The following ITSN1 variants were observed in gnomAD, a reference collection of about 807,000 sequenced individuals.
The protein encoded by ITSN1 is intersectin 1.
In ITSN1, 58 loss-of-function variants were observed where a neutral mutation model predicts 239.8. The ratio of observed to expected loss-of-function variants is 0.24; its 90% CI spans 0.20 to 0.30. The LOEUF (loss-of-function observed/expected upper bound fraction) is 0.30. Among genes scored for constraint, ITSN1 ranks in the 10% least tolerant of loss-of-function variants. The probability of loss-of-function intolerance (pLI) is 1.00; values close to 1 mark genes in which losing one functional copy is unlikely to be tolerated. For missense variants in ITSN1, 1,558 were observed against 2,103.3 expected (o/e 0.74, Z 5.07); for synonymous variants, 780 against 770.8 (o/e 1.01, Z -0.20).
Position 33,659,653 on chromosome 21 carries a change from C to G in ITSN1, c.-33+16940C>G, listed in dbSNP as rs182806813. ...CCCTTAAGCTAGATAGGTGAACAAGCAATTATAATTTAGCTTTGTAAGCTA... is the reference window on the plus strand; with the variant it reads ...CCCTTAAGCTAGATAGGTGAACAAGGAATTATAATTTAGCTTTGTAAGCTA... On this transcript the variant is annotated intron_variant, in intron 1 of 39. Coordinates refer to ENST00000381318, the MANE Select transcript of ITSN1 (RefSeq NM_003024.3). Among the ~76,000 whole-genome samples, 11 of 146,530 alleles carry G rather than the reference C, an allele frequency of 7.5e-5. No homozygotes were observed. The East Asian group carries it at 1.8e-3, about 24-fold the overall frequency.
At position 33,826,819 on chromosome 21, in the gene ITSN1, G is replaced by T; in HGVS notation, c.3185G>T (p.Gly1062Val). 1.9e-6 allele frequency: 3 copies of T among 1,613,708 alleles called. No homozygotes were observed. In the South Asian group the frequency reaches 3.3e-5, roughly 18 times the overall value. ...TGAGACCTTTTGCTCTGTTTTAAGG[G>T]CTCTGGAACTGCTGGGAAAACAGGG... is the stretch of plus-strand genomic sequence containing the variant. ...SNYVRLKDSE[G>V]SGTAGKTGSL... Residue 1062 changes from glycine to valine, a missense_variant and splice_region_variant, in exon 26 of 40, where the codon GGC becomes GTC. Coordinates refer to ENST00000381318, the MANE Select transcript of ITSN1 (RefSeq NM_003024.3).
intron 29 of ITSN1, among the ~76,000 whole-genome samples, chr21:33,850,779 A>G (rs1474808252): frequency 6.6e-6 from 1 of 152,134 alleles, no homozygotes; most frequent in Admixed American, 6.5e-5. Flanking sequence ...TTCCTACACG[A>G]CAGGCCACCC....
intron 34 of ITSN1, among the ~76,000 whole-genome samples, chr21:33,878,670 TGTGGAAGCAGCCCC>T (rs1984411033): frequency 6.6e-6 from 1 of 152,186 alleles, no homozygotes; most frequent in African/African-American, 2.4e-5. Context: ...TGAGCAAAGG[TGTGGAAGCAGCCCC>T]GTGGAAGCCG....
chr21:33,678,879 A>T (rs1309831451), intron 1 of ITSN1, among the ~76,000 whole-genome samples: 2 of 152,066 alleles, frequency 1.3e-5, no homozygotes, highest in African/African-American at 4.8e-5. Flanking sequence ...ACGCCCAGCT[A>T]ATTTTTGTAT....
At chr21:33,812,254 AAATAGAAGACT>A (rs1473967323) in intron 21 of ITSN1, among the ~76,000 whole-genome samples, 1 of 152,222 alleles carries the variant, frequency 6.6e-6, no homozygotes, top group Non-Finnish European at 1.5e-5. Context: ...GCTTAGGCTA[AAATAGAAGACT>A]AATACCATAT....
intron 4 of ITSN1, among the ~76,000 whole-genome samples, chr21:33,728,904 G>A (rs1159614168): frequency 6.6e-6 from 1 of 152,072 alleles, no homozygotes; most frequent in East Asian, 1.9e-4. Flanking sequence ...CCCATAATTG[G>A]TTTTTGAATG....
At chr21:33,657,526 A>G (rs1568858546) in intron 1 of ITSN1, among the ~76,000 whole-genome samples, 1 of 151,892 alleles carries the variant, frequency 6.6e-6, no homozygotes, top group African/African-American at 2.4e-5. Context: ...AGTCATTTTC[A>G]CTGTATTTAT....
chr21:33,706,756 T>C (rs2057084386), intron 1 of ITSN1, among the ~76,000 whole-genome samples: 2 of 152,258 alleles, frequency 1.3e-5, no homozygotes, highest in South Asian at 4.1e-4. Context: ...GTTTATTTAT[T>C]TATTTATTTT....
rs537971660 is a variant in ITSN1, at chr21:33,718,052, A to G, written c.-32-745A>G. On this transcript the variant is annotated intron_variant, in intron 1 of 39. Coordinates refer to ENST00000381318, the MANE Select transcript of ITSN1 (RefSeq NM_003024.3). ...TGGAGTTAGCAGGACAGCTAACTCC[A>G]CAGCGTTTGGTCACCAAACGAATGA... Among the ~76,000 whole-genome samples, 6 of 152,314 alleles carry G rather than the reference A, an allele frequency of 3.9e-5. No individual in the cohort carries two copies. The East Asian group carries it at 1.2e-3, about 29-fold the overall frequency.
chr21:33,743,698 T>TC (rs933248903), intron 5 of ITSN1, among the ~76,000 whole-genome samples: 11 of 152,110 alleles, frequency 7.2e-5, no homozygotes, highest in African/African-American at 2.7e-4. Flanking sequence ...ATCTAAAAAG[T>TC]CCAACACTAA....
At chr21:33,843,096 T>C (rs1402642709) in intron 29 of ITSN1, among the ~76,000 whole-genome samples, 4 of 152,060 alleles carry the variant, frequency 2.6e-5, no homozygotes, top group African/African-American at 4.8e-5. Flanking sequence ...ACATTGAGCA[T>C]AAGGCCTGCA....
chr21:33,779,924 C>G (rs113318774), intron 14 of ITSN1, among the ~76,000 whole-genome samples: 14 of 152,120 alleles, frequency 9.2e-5, no homozygotes, highest in African/African-American at 2.9e-4. Context: ...CTCTGCTTCC[C>G]GAGTTCGAGT....
intron 33 of ITSN1, among the ~76,000 whole-genome samples, chr21:33,871,656 G>C (rs1419786782): frequency 6.6e-6 from 1 of 151,474 alleles, no homozygotes; most frequent in Non-Finnish European, 1.5e-5. Flanking sequence ...CAGGAGAATT[G>C]CTTAAACCCA....
chr21:33,820,680 C>G (rs1372041471), intron 24 of ITSN1, among the ~76,000 whole-genome samples: 3 of 152,256 alleles, frequency 2.0e-5, no homozygotes, highest in African/African-American at 4.8e-5. Flanking sequence ...TATCACTAAA[C>G]AAATCCAGCA....
chr21:33,875,605 C>A (rs1983599942), intron 34 of ITSN1, 84 bp downstream of exon 34: 2 of 1,293,488 alleles, frequency 1.5e-6, no homozygotes, highest in Non-Finnish European at 2.1e-6. Context: ...AAAGCATGAA[C>A]CATTCTCCTC....
At chr21:33,868,452 G>T (rs1360534577) in intron 33 of ITSN1, among the ~76,000 whole-genome samples, 1 of 152,232 alleles carries the variant, frequency 6.6e-6, no homozygotes, top group Non-Finnish European at 1.5e-5. Flanking sequence ...GCAGTCCCGA[G>T]CCCTGCCCCG....
chr21:33,812,051 G>A (rs760224793), intron 21 of ITSN1, among the ~76,000 whole-genome samples: 6 of 152,196 alleles, frequency 3.9e-5, no homozygotes, highest in Admixed American at 6.5e-5. Context: ...GGGAGGAAGT[G>A]GAGGGAAGGA....
intron 12 of ITSN1, chr21:33,774,524 A>G (rs1427357100): frequency 4.2e-6 from 2 of 479,312 alleles, no homozygotes; most frequent in Non-Finnish European, 7.4e-6. Context: ...TTATGTAAAT[A>G]TAATACCCAG....
chr21:33,880,560 C>A (rs948883654), intron 34 of ITSN1, among the ~76,000 whole-genome samples: 1 of 152,198 alleles, frequency 6.6e-6, no homozygotes, highest in Non-Finnish European at 1.5e-5. Flanking sequence ...TGGCTGACAG[C>A]AGAGTGCAGT....
Sources: gnomAD v4.1 joint callset for allele counts (sites outside exome capture counted in the v4.1 genomes callset) on GRCh38, gnomAD v4.1.1 for gene constraint, MANE v1.5 for transcripts, NCBI Gene and HGNC (gene_info 2026-07-23, HGNC 2026-07-21) for gene names.